Variants in RBFOX1 observed in about 807,000 individuals in gnomAD.
The protein encoded by RBFOX1 is RNA binding protein fox-1 homolog 1.
RBFOX1 carries 8 observed loss-of-function variants against 57.7 expected under a neutral mutation model. The ratio of observed to expected loss-of-function variants is 0.14; its 90% confidence interval spans 0.08 to 0.25. The LOEUF is 0.25. Among genes scored for constraint, RBFOX1 ranks in the 10% least tolerant of loss-of-function variants. The pLI is 1.00. For missense variants in RBFOX1, 611 were observed against 548.5 expected (o/e 1.11, Z -1.14); for synonymous variants, 326 against 222.4 (o/e 1.47, Z -4.15).
chr16:6,771,999 G>T (rs150689270), intron 3 of RBFOX1, among the ~76,000 whole-genome samples: 1 of 152,086 alleles, frequency 6.6e-6, no homozygotes. Flanking sequence ...GACTCCCTTC[G>T]GCTCTTTCTG....
At chr16:5,447,089 G>C (rs963506757) in intron 1 of RBFOX1, among the ~76,000 whole-genome samples, 2 of 152,172 alleles carry the variant, frequency 1.3e-5, no homozygotes, top group Non-Finnish European at 2.9e-5. Context: ...AAGAGGTAAT[G>C]CTGTGACTAC....
intron 5 of RBFOX1, among the ~76,000 whole-genome samples, chr16:7,566,710 C>G (rs1230496274): frequency 6.6e-6 from 1 of 152,138 alleles, no homozygotes; most frequent in Non-Finnish European, 1.5e-5. Flanking sequence ...TGCTTATAAA[C>G]TACGAGTGGC....
chr16:6,749,655 G>A (rs1027439880), intron 3 of RBFOX1, among the ~76,000 whole-genome samples: 11 of 152,060 alleles, frequency 7.2e-5, no homozygotes, highest in African/African-American at 2.7e-4. Context: ...CTCCTAATCA[G>A]TACATCAGGG....
At chr16:6,466,607 T>G (rs2095055753) in intron 2 of RBFOX1, among the ~76,000 whole-genome samples, 1 of 152,180 alleles carries the variant, frequency 6.6e-6, no homozygotes, top group African/African-American at 2.4e-5. Context: ...GACAATTCCA[T>G]GGGCAGAATA....
chr16:7,541,589 C>G (rs748933767), intron 5 of RBFOX1, among the ~76,000 whole-genome samples: 9 of 152,128 alleles, frequency 5.9e-5, no homozygotes, highest in Non-Finnish European at 1.3e-4. Context: ...GTCCCAGATA[C>G]CACTGTATTC....
At chr16:7,266,934 C>G (rs2095166101) in intron 4 of RBFOX1, among the ~76,000 whole-genome samples, 1 of 151,892 alleles carries the variant, frequency 6.6e-6, no homozygotes, top group African/African-American at 2.4e-5. Context: ...GACTGGAAGA[C>G]TGAGCAATAG....
chr16:5,579,376 T>C (rs1314001172), intron 2 of RBFOX1, among the ~76,000 whole-genome samples: 1 of 152,132 alleles, frequency 6.6e-6, no homozygotes, highest in Non-Finnish European at 1.5e-5. Context: ...ACTCCTCTTC[T>C]ATGTGCCTCC....
At chr16:7,349,311 C>G (rs1037170526) in intron 4 of RBFOX1, among the ~76,000 whole-genome samples, 37 of 152,146 alleles carry the variant, frequency 2.4e-4, no homozygotes, top group African/African-American at 8.4e-4. Flanking sequence ...TCTCTCAAAC[C>G]AAACGCATGT....
intron 1 of RBFOX1, among the ~76,000 whole-genome samples, chr16:6,118,185 T>C (rs1283096019): frequency 6.6e-6 from 1 of 152,156 alleles, no homozygotes; most frequent in Non-Finnish European, 1.5e-5. Flanking sequence ...AAATATATAC[T>C]TCATTGAGTT....
At position 7,247,601 on chromosome 16, in the gene RBFOX1, TTAAA is replaced by T. The variant is rs957680485; in HGVS notation, c.27+195505_27+195508del. Among the ~76,000 whole-genome samples, 115 of 152,360 alleles carry T rather than the reference TTAAA, an allele frequency of 7.5e-4. 1 individual carries two copies. Among genetic ancestry groups the T allele is most frequent in the African/African-American group, 2.5e-3 (106 of 41,582 alleles). ...AAAGCTAAAAGCCCCCAGGTCATCC[TTAAA>T]TGAATGTATATCCTGATTCAGGAAT... On this transcript the variant is annotated intron_variant, in intron 4 of 15. Coordinates refer to ENST00000550418, the MANE Select transcript of RBFOX1 (RefSeq NM_018723.4).
chr16:6,958,937 G>T (rs1285302643), intron 3 of RBFOX1, among the ~76,000 whole-genome samples: 1 of 152,006 alleles, frequency 6.6e-6, no homozygotes, highest in African/African-American at 2.4e-5. Context: ...CCTGACATAG[G>T]CAGCATGGTT....
chr16:7,480,845 C>T (rs13336214), intron 4 of RBFOX1, among the ~76,000 whole-genome samples: 3 of 152,140 alleles, frequency 2.0e-5, no homozygotes, highest in Non-Finnish European at 4.4e-5. Context: ...ATTGAAACAG[C>T]CTCTTGGATA....
At chr16:7,012,711 T>C (rs2093710920) in intron 3 of RBFOX1, among the ~76,000 whole-genome samples, 1 of 152,192 alleles carries the variant, frequency 6.6e-6, no homozygotes, top group African/African-American at 2.4e-5. Flanking sequence ...CCAGAGTGAC[T>C]TGCTTTGTAA....
chr16:6,166,203 C>T (rs1014142206), intron 1 of RBFOX1, among the ~76,000 whole-genome samples: 2 of 152,102 alleles, frequency 1.3e-5, no homozygotes, highest in East Asian at 1.9e-4. Context: ...GACACCAGAC[C>T]TATTGCTAAA....
intron 2 of RBFOX1, among the ~76,000 whole-genome samples, chr16:6,500,114 C>G (rs1453918245): frequency 1.3e-5 from 2 of 152,182 alleles, no homozygotes; most frequent in Non-Finnish European, 2.9e-5. Context: ...AGGAGCCATT[C>G]TTGAAAGTCT....
intron 3 of RBFOX1, among the ~76,000 whole-genome samples, chr16:6,954,810 C>G (rs928488282): frequency 1.3e-5 from 2 of 152,098 alleles, no homozygotes; most frequent in Admixed American, 6.6e-5. Flanking sequence ...TAGAAGGGTT[C>G]GAACCTCATT....
intron 11 of RBFOX1, among the ~76,000 whole-genome samples, chr16:7,639,640 C>T (rs1325040477): frequency 6.6e-6 from 1 of 152,160 alleles, no homozygotes; most frequent in Non-Finnish European, 1.5e-5. Context: ...AAACGCAGTG[C>T]TCCTAGGGGA....
chr16:6,762,350 G>A (rs900242403), intron 3 of RBFOX1, among the ~76,000 whole-genome samples: 3 of 152,120 alleles, frequency 2.0e-5, no homozygotes, highest in Non-Finnish European at 1.5e-5. Flanking sequence ...CTTTTTCAAA[G>A]TAATTTTTAG....
At chr16:7,255,505 G>A (rs1478750603) in intron 4 of RBFOX1, among the ~76,000 whole-genome samples, 1 of 152,162 alleles carries the variant, frequency 6.6e-6, no homozygotes, top group Non-Finnish European at 1.5e-5. Context: ...GCCATGGCAA[G>A]ATGTCCAGCT....
Sources: gnomAD v4.1 joint callset for allele counts (sites outside exome capture counted in the v4.1 genomes callset) on GRCh38, gnomAD v4.1.1 for gene constraint, MANE v1.5 for transcripts, NCBI Gene and HGNC (gene_info 2026-07-23, HGNC 2026-07-21) for gene names.